The following WRN variants were observed in gnomAD, a reference collection of about 807,000 sequenced individuals.
The protein encoded by WRN is WRN RecQ like helicase.
Under a neutral mutation model 180.7 loss-of-function variants are expected in WRN, and 149 were observed. The ratio of observed to expected loss-of-function variants is 0.82; its 90% CI spans 0.72 to 0.94. The LOEUF is 0.94. Among genes scored for constraint, WRN ranks in the 40% least tolerant of loss-of-function variants. The probability of loss-of-function intolerance (pLI) is 0.00; values close to 1 mark genes in which losing one functional copy is unlikely to be tolerated. For missense variants in WRN, 1,661 were observed against 1,700.1 expected, an observed-to-expected ratio of 0.98 and a Z score of 0.40; for synonymous variants, 548 against 568.9, an observed-to-expected ratio of 0.96 and a Z score of 0.52.
rs1419297892 is a variant in WRN, at chr8:31,172,885, G to A, written c.4192-110G>A. The A allele has an allele frequency of 5.8e-6, 5 of 855,922 alleles. No homozygotes were observed. The Admixed American group carries it at 1.0e-4, about 18-fold the overall frequency. The allele number at this position is 855,922 out of a possible 1,614,324, so 53.0% of individuals were successfully genotyped here. A position where few individuals can be genotyped will look rare whatever the true frequency, so the allele number is the denominator to read the frequency against. On this transcript the variant is annotated intron_variant, in intron 34 of 34. Transcript: ENST00000298139. ...ATAGATACCACTATTTTGTTTGGAT[G>A]GGGGAGAAAGGATGGGTGTGTATTC...
At chr8:31,060,071 A>T (rs1368865133) in intron 3 of WRN, among the ~76,000 whole-genome samples, 1 of 151,680 alleles carries the variant, frequency 6.6e-6, no homozygotes, top group Non-Finnish European at 1.5e-5. Flanking sequence ...AAAAAAATCC[A>T]AAAAAACAAC....
chr8:31,133,326 T>C (rs1347421964), intron 24 of WRN, among the ~76,000 whole-genome samples: 7 of 152,210 alleles, frequency 4.6e-5, no homozygotes, highest in Non-Finnish European at 8.8e-5. Flanking sequence ...AATTCTCGTA[T>C]TGAATGTAGA....
intron 1 of WRN, among the ~76,000 whole-genome samples, chr8:31,040,453 G>A (rs1748945837): frequency 6.6e-6 from 1 of 152,148 alleles, no homozygotes; most frequent in African/African-American, 2.4e-5. Context: ...TTAGAGATTG[G>A]GGAGGTAAGA....
intron 20 of WRN, 189 bp from the exon 21 acceptor site, chr8:31,120,054 T>G: frequency 1.6e-6 from 1 of 639,636 alleles, no homozygotes; most frequent in Admixed American, 2.6e-5. Flanking sequence ...GAAATCCCAT[T>G]TCTAGTCACC....
intron 1 of WRN, among the ~76,000 whole-genome samples, chr8:31,039,071 T>C (rs1811553511): frequency 6.6e-6 from 1 of 152,190 alleles, no homozygotes; most frequent in Admixed American, 6.5e-5. Context: ...CCCTTGCAAT[T>C]CTGATGAGTT....
chr8:31,094,064 C>T (rs531114882), intron 16 of WRN, among the ~76,000 whole-genome samples: 5 of 152,214 alleles, frequency 3.3e-5, no homozygotes, highest in South Asian at 4.1e-4. Context: ...TATGAACATT[C>T]GTATGTAAGT....
At chr8:31,048,782 A>G (rs1464886766) in intron 1 of WRN, among the ~76,000 whole-genome samples, 1 of 152,244 alleles carries the variant, frequency 6.6e-6, no homozygotes, top group Non-Finnish European at 1.5e-5. Context: ...ATTGACAACC[A>G]AACGGAATTG....
intron 1 of WRN, among the ~76,000 whole-genome samples, chr8:31,049,594 T>C (rs912347528): frequency 3.3e-5 from 5 of 152,162 alleles, no homozygotes; most frequent in African/African-American, 9.6e-5. Context: ...AAGCATTGGA[T>C]AAATGAATCC....
chr8:31,128,083 TA>T lies in WRN; in HGVS notation c.2825+3094del, dbSNP rs112773122. Among the ~76,000 whole-genome samples the T allele has an allele frequency of 2.9e-3, 409 of 142,036 alleles. 2 individuals carry two copies. The highest frequency in any genetic ancestry group is 7.2e-3 in the African/African-American group (278 of 38,658). 93.2% of individuals were successfully genotyped at this position (142,036 alleles called of 152,430 possible). A position where few individuals can be genotyped will look rare whatever the true frequency, so the allele number is the denominator to read the frequency against. ...AACATAGCAAGACCCCATCTCTATTTAAAAAAAAAAACAAACTTAAAAATCC... is the reference window on the plus strand; with the variant it reads ...AACATAGCAAGACCCCATCTCTATTTAAAAAAAAAACAAACTTAAAAATCC... On this transcript the variant is annotated intron_variant, in intron 23 of 34. Coordinates refer to ENST00000298139, the MANE Select transcript of WRN (RefSeq NM_000553.6).
At chr8:31,062,463 A>G (rs1313106126) in intron 3 of WRN, among the ~76,000 whole-genome samples, 2 of 148,274 alleles carry the variant, frequency 1.3e-5, no homozygotes, top group African/African-American at 2.5e-5. Context: ...CTGGAGTGAC[A>G]GTGGTGTGAT....
intron 3 of WRN, among the ~76,000 whole-genome samples, chr8:31,059,573 T>C (rs1298613333): frequency 6.6e-6 from 1 of 152,212 alleles, no homozygotes; most frequent in Non-Finnish European, 1.5e-5. Context: ...ATGTTATATA[T>C]AGAGCTACTG....
chr8:31,142,338 C>T (rs1001280046), intron 26 of WRN, among the ~76,000 whole-genome samples: 1 of 152,096 alleles, frequency 6.6e-6, no homozygotes, highest in East Asian at 1.9e-4. Flanking sequence ...GAAATCAATG[C>T]GGAGGAATCC....
At chr8:31,050,095 G>A (rs1476094140) in intron 1 of WRN, among the ~76,000 whole-genome samples, 2 of 152,072 alleles carry the variant, frequency 1.3e-5, no homozygotes, top group African/African-American at 4.8e-5. Context: ...ATAACTTAAA[G>A]ATAATTCTTG....
intron 17 of WRN, among the ~76,000 whole-genome samples, chr8:31,100,197 C>T (rs1814167311): frequency 1.3e-5 from 2 of 152,198 alleles, no homozygotes; most frequent in Non-Finnish European, 2.9e-5. Context: ...ACATGCATTA[C>T]AACACACTAT....
chr8:31,101,930 G>A (rs1468688264), intron 18 of WRN, among the ~76,000 whole-genome samples: 2 of 146,212 alleles, frequency 1.4e-5, no homozygotes, highest in Admixed American at 1.3e-4. Context: ...ACAAGAAGTT[G>A]TAAAAAAAAA....
At chr8:31,099,672 G>A (rs545041893) in intron 17 of WRN, among the ~76,000 whole-genome samples, 2 of 150,986 alleles carry the variant, frequency 1.3e-5, no homozygotes, top group African/African-American at 4.9e-5. Context: ...TCCTCTTTTA[G>A]AATTGTGAAC....
At chr8:31,077,251 C>CTTTTTTTTTTTTTTTTTT (rs1296265714) in intron 8 of WRN, among the ~76,000 whole-genome samples, 33 of 151,764 alleles carry the variant, frequency 2.2e-4, no homozygotes, top group African/African-American at 8.0e-4. Context: ...ATGTAACTTT[C>CTTTTTTTTTTTTTTTTTT]TTTTTTTTGA....
intron 1 of WRN, among the ~76,000 whole-genome samples, chr8:31,037,832 T>A (rs1340803862): frequency 2.0e-5 from 3 of 152,252 alleles, no homozygotes; most frequent in Non-Finnish European, 4.4e-5. Flanking sequence ...CCTAGCTTTG[T>A]TCTTTTAGCT....
chr8:31,128,752 G>A (rs942374518), intron 23 of WRN, among the ~76,000 whole-genome samples: 2 of 152,084 alleles, frequency 1.3e-5, no homozygotes, highest in Non-Finnish European at 2.9e-5. Flanking sequence ...CCAGCTACTC[G>A]GGAGGCTGAG....
Sources: gnomAD v4.1 joint callset for allele counts (sites outside exome capture counted in the v4.1 genomes callset) on GRCh38, gnomAD v4.1.1 for gene constraint, MANE v1.5 for transcripts, NCBI Gene and HGNC (gene_info 2026-07-23, HGNC 2026-07-21) for gene names.